The following PRKCE variants were observed in gnomAD, a reference collection of about 807,000 sequenced individuals.
The protein encoded by PRKCE is protein kinase C epsilon type.
Under a neutral mutation model 85.4 loss-of-function variants are expected in PRKCE, and 16 were observed. The observed-to-expected ratio is 0.19, with a 90% CI of 0.13 to 0.28. The LOEUF (loss-of-function observed/expected upper bound fraction) is 0.28, where lower values mean the gene tolerates loss of function less well. Among genes scored for constraint, PRKCE ranks in the 10% least tolerant of loss-of-function variants. The pLI is 1.00. For synonymous variants in PRKCE, 388 were observed against 371.5 expected (o/e 1.04, Z -0.51); for missense variants, 573 against 975.2 (o/e 0.59, Z 5.49).
intron 2 of PRKCE, among the ~76,000 whole-genome samples, chr2:45,894,775 T>C (rs927006505): frequency 1.3e-5 from 2 of 152,122 alleles, no homozygotes; most frequent in African/African-American, 2.4e-5. Context: ...CAGGCTGGAG[T>C]GCAATGACGC....
chr2:45,824,241 A>G (rs1689764048), intron 1 of PRKCE, among the ~76,000 whole-genome samples: 1 of 152,254 alleles, frequency 6.6e-6, no homozygotes, highest in Admixed American at 6.5e-5. Context: ...ATCCTCTCCA[A>G]TCATCTAAGG....
intron 10 of PRKCE, among the ~76,000 whole-genome samples, chr2:46,070,624 C>A (rs1197434930): frequency 6.7e-6 from 1 of 149,128 alleles, no homozygotes; most frequent in Non-Finnish European, 1.5e-5. Flanking sequence ...GCCTTAGCGA[C>A]AGAGCAAGAC....
At chr2:45,890,004 CA>C (rs1695600712) in intron 2 of PRKCE, among the ~76,000 whole-genome samples, 1 of 152,178 alleles carries the variant, frequency 6.6e-6, no homozygotes, top group South Asian at 2.1e-4. Context: ...GGAGGTTTAG[CA>C]TTATTACTGA....
At chr2:45,749,529 A>G (rs1162569477) in intron 1 of PRKCE, among the ~76,000 whole-genome samples, 1 of 152,258 alleles carries the variant, frequency 6.6e-6, no homozygotes, top group African/African-American at 2.4e-5. Flanking sequence ...AGAGGGCTTC[A>G]CCAGCCTCAA....
intron 1 of PRKCE, among the ~76,000 whole-genome samples, chr2:45,751,085 A>C (rs1203976641): frequency 6.6e-6 from 1 of 152,158 alleles, no homozygotes; most frequent in Non-Finnish European, 1.5e-5. Context: ...TGGTTCCCCA[A>C]GCCCCCTGGG....
At chr2:45,927,167 G>A (rs1387145601) in intron 2 of PRKCE, among the ~76,000 whole-genome samples, 2 of 152,118 alleles carry the variant, frequency 1.3e-5, no homozygotes, top group African/African-American at 2.4e-5. Flanking sequence ...AGGATGGTAA[G>A]AAGTATAGAA....
intron 2 of PRKCE, among the ~76,000 whole-genome samples, chr2:45,910,040 A>ACC (rs1373159323): frequency 3.0e-5 from 4 of 134,154 alleles, no homozygotes; most frequent in African/African-American, 1.1e-4. Flanking sequence ...CAGTAAACTC[A>ACC]CCGCCCCCCC....
At chr2:45,853,090 G>C (rs928183153) in intron 2 of PRKCE, among the ~76,000 whole-genome samples, 3 of 152,142 alleles carry the variant, frequency 2.0e-5, no homozygotes, top group Non-Finnish European at 2.9e-5. Context: ...TTTCTTTCTC[G>C]AGTCCCGATC....
intron 2 of PRKCE, among the ~76,000 whole-genome samples, chr2:45,854,793 T>A (rs1573619029): frequency 1.3e-5 from 2 of 152,316 alleles, no homozygotes; most frequent in East Asian, 1.9e-4. Context: ...AGATGAGACC[T>A]GGTAGGTGTC....
chr2:45,666,484 C>T (rs867200454), intron 1 of PRKCE, among the ~76,000 whole-genome samples: 6 of 151,734 alleles, frequency 4.0e-5, no homozygotes, highest in African/African-American at 9.7e-5. Context: ...GGGGTAGGAA[C>T]CTTCTGCTTG....
chr2:45,800,571 C>T (rs1687782302), intron 1 of PRKCE, among the ~76,000 whole-genome samples: 1 of 152,204 alleles, frequency 6.6e-6, no homozygotes, highest in Non-Finnish European at 1.5e-5. Context: ...TCACTCCTTA[C>T]TCCTAGAAGG....
intron 2 of PRKCE, among the ~76,000 whole-genome samples, chr2:45,894,308 T>A (rs1695966671): frequency 6.6e-6 from 1 of 151,876 alleles, no homozygotes; most frequent in Non-Finnish European, 1.5e-5. Flanking sequence ...TTGAGGAAAC[T>A]GATTACTTTG....
chr2:45,742,785 G>A (rs1184849231), intron 1 of PRKCE, among the ~76,000 whole-genome samples: 1 of 152,162 alleles, frequency 6.6e-6, no homozygotes, highest in Non-Finnish European at 1.5e-5. Flanking sequence ...TCGCACTTCT[G>A]GGTGTGTATC....
chr2:46,085,260 A>G (rs1018207420), intron 10 of PRKCE, among the ~76,000 whole-genome samples: 2 of 152,160 alleles, frequency 1.3e-5, no homozygotes, highest in African/African-American at 4.8e-5. Flanking sequence ...GCCTTGCAGG[A>G]GGAAACCATA....
chr2:46,007,779 C>G, intron 9 of PRKCE, 118 bp downstream of exon 9: 1 of 1,206,082 alleles, frequency 8.3e-7, no homozygotes, highest in Non-Finnish European at 1.1e-6. Flanking sequence ...GGTTTTCTTT[C>G]CTTTTTTGTA....
intron 2 of PRKCE, among the ~76,000 whole-genome samples, chr2:45,920,698 AAGT>A (rs1023613964): frequency 3.5e-4 from 53 of 152,320 alleles, no homozygotes; most frequent in African/African-American, 1.1e-3. Context: ...TGGAGACAGA[AAGT>A]AGACTTGTGG....
chr2:45,868,990 C>T (rs976729940), intron 2 of PRKCE, among the ~76,000 whole-genome samples: 2 of 149,186 alleles, frequency 1.3e-5, no homozygotes, highest in African/African-American at 2.5e-5. Flanking sequence ...AGAAAGAAAA[C>T]GTAAATAAAT....
intron 1 of PRKCE, among the ~76,000 whole-genome samples, chr2:45,829,983 G>C (rs1371325647): frequency 6.8e-6 from 1 of 147,772 alleles, no homozygotes; most frequent in East Asian, 2.0e-4. Flanking sequence ...TGAGGCAGGA[G>C]AATGGCGTGA....
Position 45,811,198 on chromosome 2 carries a change from C to T in PRKCE, c.349-31802C>T, listed in dbSNP as rs559399587. 4.6e-5 allele frequency among the ~76,000 whole-genome samples: 7 copies of T among 152,312 alleles called. No homozygotes were observed. The South Asian group carries it at 8.3e-4, about 18-fold the overall frequency. On this transcript the variant is annotated intron_variant, in intron 1 of 14. Coordinates refer to ENST00000306156, the MANE Select transcript of PRKCE (RefSeq NM_005400.3). ...TAGCAGCCTCAGCCTCAGCCATCATCTCTAGTTCCTGCTGTAGCATTGCTC... is the reference window on the plus strand; with the variant it reads ...TAGCAGCCTCAGCCTCAGCCATCATTTCTAGTTCCTGCTGTAGCATTGCTC...
Sources: allele counts gnomAD v4.1 joint callset (sites outside exome capture counted in the v4.1 genomes callset), GRCh38; gene constraint gnomAD v4.1.1; transcripts MANE v1.5; gene names NCBI Gene and HGNC (gene_info 2026-07-23, HGNC 2026-07-21).